PHACTR3: variants seen among roughly 807,000 people sequenced by gnomAD.
The protein encoded by PHACTR3 is protein phosphatase 1, regulatory subunit 123.
A neutral mutation model predicts 66.8 loss-of-function variants in PHACTR3; 16 were observed. The ratio of observed to expected loss-of-function variants is 0.24; its 90% CI spans 0.16 to 0.36. The LOEUF (loss-of-function observed/expected upper bound fraction) is 0.36, where lower values mean the gene tolerates loss of function less well. PHACTR3 is among the 10% of genes least tolerant of loss of function. The pLI is 1.00. For synonymous variants in PHACTR3, 323 were observed against 292.1 expected, an observed-to-expected ratio of 1.11 and a Z score of -1.08; for missense variants, 647 against 719.9, an observed-to-expected ratio of 0.90 and a Z score of 1.16.
chr20:59,586,841 A>G (rs905929613), intron 1 of PHACTR3, among the ~76,000 whole-genome samples: 5 of 152,156 alleles, frequency 3.3e-5, no homozygotes, highest in Admixed American at 6.5e-5. Flanking sequence ...AGGAAAACCG[A>G]GGCTGAAAGG....
intron 1 of PHACTR3, among the ~76,000 whole-genome samples, chr20:59,649,891 G>C (rs546369227): frequency 6.6e-6 from 1 of 152,210 alleles, no homozygotes; most frequent in Non-Finnish European, 1.5e-5. Context: ...TGGCACATTT[G>C]TCAAAATATA....
intron 1 of PHACTR3, among the ~76,000 whole-genome samples, chr20:59,715,801 GA>G (rs948454892): frequency 6.6e-6 from 1 of 151,452 alleles, no homozygotes; most frequent in African/African-American, 2.4e-5. Context: ...TCCAAGTTAA[GA>G]AAAAAAATGT....
At chr20:59,709,296 A>G (rs1249949366) in intron 1 of PHACTR3, among the ~76,000 whole-genome samples, 3 of 152,228 alleles carry the variant, frequency 2.0e-5, no homozygotes. Flanking sequence ...TCAGGCTCCC[A>G]TAAAAGAGCT....
intron 1 of PHACTR3, among the ~76,000 whole-genome samples, chr20:59,676,305 G>T (rs1007058161): frequency 1.3e-5 from 2 of 152,208 alleles, no homozygotes; most frequent in African/African-American, 4.8e-5. Context: ...CTGGCCAGAT[G>T]CCAGCCTAGG....
intron 1 of PHACTR3, among the ~76,000 whole-genome samples, chr20:59,713,495 C>T (rs918471648): frequency 1.3e-5 from 2 of 152,150 alleles, no homozygotes; most frequent in Non-Finnish European, 2.9e-5. Context: ...TTGAGTCTTA[C>T]ATAATTGGAA....
At position 59,687,028 on chromosome 20, in the gene PHACTR3, ATGG is replaced by A. The variant is rs201171207; in HGVS notation, c.119-56073_119-56071del. 7.4e-5 allele frequency among the ~76,000 whole-genome samples: 11 copies of A among 147,800 alleles called. No individual in the cohort carries two copies. The East Asian group carries it at 8.2e-4, about 11-fold the overall frequency. Reference sequence around the variant, plus strand: ...GATTGTGATGATGGTGGTGATGATGATGGTGGTGATGATGATGGTGGTGATTGT... The same window carrying A: ...GATTGTGATGATGGTGGTGATGATGATGGTGATGATGATGGTGGTGATTGT... On this transcript the variant is annotated intron_variant, in intron 1 of 12. Transcript: ENST00000371015.
chr20:59,845,361 A>G lies in PHACTR3; in HGVS notation c.1664+96A>G, dbSNP rs544710305. The G allele has an allele frequency of 7.0e-5, 54 of 773,032 alleles. No individual in the cohort carries two copies. The African/African-American group carries it at 8.2e-4, about 12-fold the overall frequency. 47.9% of individuals were successfully genotyped at this position (773,032 alleles called of 1,614,324 possible). A position where few individuals can be genotyped will look rare whatever the true frequency, so the allele number is the denominator to read the frequency against. On this transcript the variant is annotated intron_variant, in intron 12 of 12. Transcript: ENST00000371015. ...CACAAACCATGTATCCAGCTATACAAATTCAGCATTTTTCCAGAGAACTCT... is the reference window on the plus strand; with the variant it reads ...CACAAACCATGTATCCAGCTATACAGATTCAGCATTTTTCCAGAGAACTCT...
Position 59,767,194 on chromosome 20 carries a change from C to G in PHACTR3, c.550C>G (p.Pro184Ala), listed in dbSNP as rs769085947. Reference protein sequence around the residue: ...AAHLDDAAKMPSASSGEEADA... With the variant: ...AAHLDDAAKMASASSGEEADA... ...CTTTGCCTTTGAACCAGCCAAGATG[C>G]CTTCTGCATCCAGTGGTGAAGAAGC... is the stretch of plus-strand genomic sequence containing the variant. The change falls in exon 5 of 13, where the codon CCT becomes GCT. Residue 184 changes from proline to alanine, a missense_variant. By Grantham distance (27) the Pro-to-Ala change is conservative. Transcript: ENST00000371015. The G allele has an allele frequency of 3.7e-6, 6 of 1,614,220 alleles. No homozygotes were observed. In the Admixed American group the frequency reaches 6.7e-5, roughly 18 times the overall value.
At chr20:59,845,446 G>T (rs1423505281) in intron 12 of PHACTR3, among the ~76,000 whole-genome samples, 181 bp downstream of exon 12, 1 of 152,072 alleles carries the variant, frequency 6.6e-6, no homozygotes, top group Non-Finnish European at 1.5e-5. Flanking sequence ...ATTTCCTTTA[G>T]GACTTGGTGA....
chr20:59,822,644 G>A (rs2042083631), intron 8 of PHACTR3, among the ~76,000 whole-genome samples: 4 of 152,144 alleles, frequency 2.6e-5, no homozygotes. Flanking sequence ...AGGTGCGCCT[G>A]TCTTTTCTTA....
chr20:59,675,180 C>T (rs2036414139), intron 1 of PHACTR3, among the ~76,000 whole-genome samples: 1 of 143,764 alleles, frequency 7.0e-6, no homozygotes, highest in Non-Finnish European at 1.5e-5. Flanking sequence ...TCCTCCCCTC[C>T]ACTTACCCCT....
chr20:59,683,637 C>G (rs2036747085), intron 1 of PHACTR3, among the ~76,000 whole-genome samples: 1 of 152,138 alleles, frequency 6.6e-6, no homozygotes, highest in Non-Finnish European at 1.5e-5. Flanking sequence ...TAGGCATAGT[C>G]TCTCACTAAG....
intron 8 of PHACTR3, among the ~76,000 whole-genome samples, chr20:59,826,303 C>T (rs1038930805): frequency 2.0e-5 from 3 of 152,154 alleles, no homozygotes; most frequent in Admixed American, 6.5e-5. Flanking sequence ...GCCTCTGGGT[C>T]CTGGTGGCTG....
chr20:59,709,910 A>G (rs891131495), intron 1 of PHACTR3, among the ~76,000 whole-genome samples: 2 of 152,112 alleles, frequency 1.3e-5, no homozygotes, highest in Non-Finnish European at 2.9e-5. Context: ...AGTGCAGCTT[A>G]TAGGCTACTT....
intron 1 of PHACTR3, among the ~76,000 whole-genome samples, chr20:59,710,174 G>A (rs2049915526): frequency 6.6e-6 from 1 of 152,048 alleles, no homozygotes; most frequent in Non-Finnish European, 1.5e-5. Context: ...CCCTATTCTT[G>A]AATCAAAAGG....
chr20:59,803,270 C>T (rs561770661), intron 7 of PHACTR3, among the ~76,000 whole-genome samples: 11 of 152,256 alleles, frequency 7.2e-5, no homozygotes, highest in Non-Finnish European at 1.3e-4. Context: ...AATAAACATT[C>T]CTTGTTTTGC....
chr20:59,737,173 A>T (rs1252681203), intron 1 of PHACTR3, among the ~76,000 whole-genome samples: 1 of 151,972 alleles, frequency 6.6e-6, no homozygotes, highest in Admixed American at 6.6e-5. Context: ...CTTTCCCATC[A>T]TAGCCCCTGT....
At chr20:59,635,339 A>T (rs1315781693) in intron 1 of PHACTR3, among the ~76,000 whole-genome samples, 2 of 149,482 alleles carry the variant, frequency 1.3e-5, no homozygotes, top group Admixed American at 6.7e-5. Context: ...GGTACAAGCA[A>T]TTCTTTTGTC....
chr20:59,730,855 C>G, intron 1 of PHACTR3, among the ~76,000 whole-genome samples: 1 of 152,134 alleles, frequency 6.6e-6, no homozygotes, highest in African/African-American at 2.4e-5. Flanking sequence ...TGAGTGGCGG[C>G]AGCAGAGACT....
Sources: allele counts gnomAD v4.1 joint callset (sites outside exome capture counted in the v4.1 genomes callset), GRCh38; gene constraint gnomAD v4.1.1; transcripts MANE v1.5; gene names NCBI Gene and HGNC (gene_info 2026-07-23, HGNC 2026-07-21).